The following PDILT variants were observed in gnomAD, a reference collection of about 807,000 sequenced individuals.
PDILT encodes the protein protein disulfide isomerase like, testis expressed, also known as protein disulfide-isomerase-like protein of the testis.
In PDILT, 43 loss-of-function variants were observed where a neutral mutation model predicts 53.7. The observed-to-expected ratio is 0.80, with a 90% confidence interval of 0.63 to 1.03. PDILT has a LOEUF of 1.03. PDILT is among the 50% of genes least tolerant of loss of function. The pLI is 0.00. For synonymous variants in PDILT, 282 were observed against 274.2 expected, an observed-to-expected ratio of 1.03 and a Z score of -0.28; for missense variants, 727 against 712.3, an observed-to-expected ratio of 1.02 and a Z score of -0.24.
intron 4 of PDILT, 131 bp from the exon 5 acceptor site, chr16:20,375,090 C>G: frequency 9.7e-7 from 1 of 1,035,426 alleles, no homozygotes; most frequent in Non-Finnish European, 1.4e-6. Flanking sequence ...CTGGGTCACC[C>G]AAATCCTCTT....
At chr16:20,390,201 G>A (rs756915567) in intron 2 of PDILT, among the ~76,000 whole-genome samples, 1 of 152,112 alleles carries the variant, frequency 6.6e-6, no homozygotes, top group Non-Finnish European at 1.5e-5. Flanking sequence ...ATCTCTTCTT[G>A]TTTCTCAGGG....
intron 1 of PDILT, among the ~76,000 whole-genome samples, chr16:20,401,543 C>A (rs1376305381): frequency 6.6e-6 from 1 of 152,212 alleles, no homozygotes; most frequent in Admixed American, 6.5e-5. Context: ...CCTCGGTGCC[C>A]AGAATCCCTT....
chr16:20,370,997 C>T (rs2141711438), intron 7 of PDILT, among the ~76,000 whole-genome samples: 1 of 152,334 alleles, frequency 6.6e-6, no homozygotes. Flanking sequence ...CTCGGGGCTG[C>T]TCTGTCTATG....
Position 20,359,483 on chromosome 16 carries a change from G to A in PDILT, c.1591C>T (p.Pro531Ser), listed in dbSNP as rs2141695158. 6.2e-7 allele frequency: 1 copy of A among 1,614,098 alleles called. No homozygotes were observed. Among genetic ancestry groups the A allele is most frequent in the East Asian group, 2.2e-5 (1 of 44,878 alleles). Reference protein sequence around the residue: ...KEVPMMRKGLPEQQSPELENM... With the variant: ...KEVPMMRKGLSEQQSPELENM... ...TCCAGCTCAGGCGACTGCTGTTCAG[G>A]TAACCCTTTCCTCATCATAGGCACC... The change falls in exon 12 of 12, where the codon CCT (proline) becomes TCT (serine). Residue 531 changes from proline to serine, a missense_variant. By Grantham distance (74) the Pro-to-Ser change is moderately conservative. Coordinates refer to ENST00000302451, the MANE Select transcript of PDILT (RefSeq NM_174924.2).
intron 1 of PDILT, among the ~76,000 whole-genome samples, chr16:20,400,072 A>ATATT (rs753235349): frequency 9.9e-4 from 136 of 137,460 alleles, no homozygotes; most frequent in African/African-American, 3.6e-3. Flanking sequence ...ATATATATAT[A>ATATT]TTTTTTGAGA....
intron 1 of PDILT, among the ~76,000 whole-genome samples, chr16:20,400,042 C>A (rs79034141): frequency 1.9e-3 from 228 of 121,000 alleles, no homozygotes; most frequent in African/African-American, 3.2e-3. Context: ...ATCTATCTAT[C>A]TATCTATCTA....
chr16:20,363,026 T>G (rs1966129029), intron 9 of PDILT, among the ~76,000 whole-genome samples: 1 of 134,604 alleles, frequency 7.4e-6, no homozygotes, highest in South Asian at 2.4e-4. Context: ...GAGCCGAGAT[T>G]GCGCCACTGC....
In PDILT at chr16:20,369,686, G is replaced by C. The variant is rs750837170; in HGVS notation, c.922C>G (p.Leu308Val). ...LASKEFQNKI[L>V]FILVDADEPR... Reference sequence around the variant, plus strand: ...TCGTCTGCATCCACAAGGATGAAAAGGATCTGCCAAAGAAAACAAAACCCT... The same window carrying C: ...TCGTCTGCATCCACAAGGATGAAAACGATCTGCCAAAGAAAACAAAACCCT... The change falls in exon 8 of 12, where the codon CTT becomes GTT. Residue 308 changes from leucine (L) to valine (V), a missense_variant. Physicochemically the swap from Leu to Val is conservative, Grantham distance 32. Coordinates refer to ENST00000302451, the MANE Select transcript of PDILT (RefSeq NM_174924.2). The C allele has an allele frequency of 1.2e-6, 2 of 1,614,064 alleles. No homozygotes were observed. Among genetic ancestry groups the C allele is most frequent in the Non-Finnish European group, 1.7e-6 (2 of 1,180,022 alleles).
At chr16:20,389,602 T>C (rs371699489) in intron 2 of PDILT, among the ~76,000 whole-genome samples, 5 of 152,100 alleles carry the variant, frequency 3.3e-5, no homozygotes, top group African/African-American at 1.2e-4. Flanking sequence ...CTCACATGGG[T>C]TTCAGGGTAA....
At chr16:20,403,378 C>T (rs1966769255) in intron 1 of PDILT, among the ~76,000 whole-genome samples, 1 of 152,180 alleles carries the variant, frequency 6.6e-6, no homozygotes, top group Non-Finnish European at 1.5e-5. Flanking sequence ...CAGCCTCCGC[C>T]TCCTGGGTTT....
At chr16:20,392,538 T>C (rs967133609) in intron 2 of PDILT, among the ~76,000 whole-genome samples, 1 of 152,174 alleles carries the variant, frequency 6.6e-6, no homozygotes, top group African/African-American at 2.4e-5. Context: ...AAAGCTTTCA[T>C]AGTGCTTTCC....
chr16:20,382,319 G>A (rs559282404), intron 3 of PDILT, among the ~76,000 whole-genome samples: 4 of 152,164 alleles, frequency 2.6e-5, no homozygotes, highest in African/African-American at 9.7e-5. Context: ...AATGTAAAGC[G>A]GATTTCAACA....
At chr16:20,395,009 AAAG>A (rs1966645553) in intron 2 of PDILT, among the ~76,000 whole-genome samples, 1 of 152,174 alleles carries the variant, frequency 6.6e-6, no homozygotes. Context: ...AAATTAGAGC[AAAG>A]AAGAAGTTTG....
At chr16:20,400,529 T>G (rs1474869779) in intron 1 of PDILT, among the ~76,000 whole-genome samples, 6 of 151,682 alleles carry the variant, frequency 4.0e-5, no homozygotes, top group African/African-American at 1.2e-4. Context: ...CCAGACCAAT[T>G]AATTCAGAAT....
chr16:20,376,683 G>T (rs1370836733), intron 3 of PDILT, among the ~76,000 whole-genome samples: 1 of 152,122 alleles, frequency 6.6e-6, no homozygotes, highest in Non-Finnish European at 1.5e-5. Flanking sequence ...TGTAACCTTG[G>T]GAAAATCCTA....
At position 20,362,579 on chromosome 16, in the gene PDILT, G is replaced by T. The variant is rs541369003; in HGVS notation, c.1241C>A (p.Ala414Glu). The T allele has an allele frequency of 6.2e-7, 1 of 1,614,040 alleles. No individual in the cohort carries two copies. The highest frequency in any genetic ancestry group is 1.7e-5 in the Admixed American group (1 of 60,008). The change falls in exon 10 of 12, where the codon GCA (alanine) becomes GAA (glutamate). Residue 414 changes from alanine (A) to glutamate (E), a missense_variant. Coordinates refer to ENST00000302451, the MANE Select transcript of PDILT (RefSeq NM_174924.2). ...CATCTTGCACTTTTTAGACCAGGGTGCATCTGGAAGAGAAGGTCCATGGCT... is the reference window on the plus strand; with the variant it reads ...CATCTTGCACTTTTTAGACCAGGGTTCATCTGGAAGAGAAGGTCCATGGCT... The part of the protein sequence containing the change: ...KEKDVFVMFY[A>E]PWSKKCKMLF...
intron 7 of PDILT, among the ~76,000 whole-genome samples, chr16:20,371,038 C>T (rs1368393717): frequency 1.3e-5 from 2 of 152,194 alleles, no homozygotes; most frequent in African/African-American, 2.4e-5. Context: ...CTGTACTTTC[C>T]TAATAAACTT....
At chr16:20,362,720 A>G in intron 9 of PDILT, 138 bp from the exon 10 acceptor site, 1 of 660,840 alleles carries the variant, frequency 1.5e-6, no homozygotes, top group Non-Finnish European at 2.6e-6. Flanking sequence ...TTTTAATCAT[A>G]TATTAGATTA....
At chr16:20,398,708 A>G (rs572749380) in intron 2 of PDILT, among the ~76,000 whole-genome samples, 1 of 152,102 alleles carries the variant, frequency 6.6e-6, no homozygotes, top group African/African-American at 2.4e-5. Flanking sequence ...TTCTCTCTAG[A>G]TGTGTTCCAG....
Sources: gnomAD v4.1 joint callset for allele counts (sites outside exome capture counted in the v4.1 genomes callset) on GRCh38, gnomAD v4.1.1 for gene constraint, MANE v1.5 for transcripts, NCBI Gene and HGNC (gene_info 2026-07-23, HGNC 2026-07-21) for gene names.